The following COL17A1 variants were observed in gnomAD, a reference collection of about 807,000 sequenced individuals.
The protein encoded by COL17A1 is collagen type XVII alpha 1 chain, also known as collagen alpha-1(XVII) chain.
A neutral mutation model predicts 218.4 loss-of-function variants in COL17A1; 181 were observed. The ratio of observed to expected loss-of-function variants is 0.83; its 90% CI spans 0.73 to 0.94. The LOEUF is 0.94. Among genes scored for constraint, COL17A1 ranks in the 40% least tolerant of loss-of-function variants. COL17A1 has a pLI of 0.00. For missense variants in COL17A1, 1,924 were observed against 1,945.9 expected, an observed-to-expected ratio of 0.99 and a Z score of 0.21; for synonymous variants, 721 against 731.0, an observed-to-expected ratio of 0.99 and a Z score of 0.22.
At chr10:104,080,534 G>T in intron 2 of COL17A1, 88 bp downstream of exon 2, 2 of 1,464,276 alleles carry the variant, frequency 1.4e-6, no homozygotes, top group Non-Finnish European at 1.9e-6. Context: ...GGTTGTGGTA[G>T]AATTATTAAT....
intron 28 of COL17A1, 141 bp downstream of exon 28, chr10:104,049,948 T>C: frequency 7.5e-7 from 1 of 1,327,258 alleles, no homozygotes; most frequent in Non-Finnish European, 1.1e-6. Flanking sequence ...TTTTCTCATC[T>C]TGTGTTTTTT....
At chr10:104,037,993 G>A (rs1458944179) in intron 45 of COL17A1, among the ~76,000 whole-genome samples, 1 of 152,210 alleles carries the variant, frequency 6.6e-6, no homozygotes, top group Non-Finnish European at 1.5e-5. Context: ...GGCCCATGAG[G>A]GCTGTGGGCC....
Position 104,040,962 on chromosome 10 carries a change from G to A in COL17A1, c.2701+103C>T, listed in dbSNP as rs551434974. Reference sequence around the variant, plus strand: ...CATATCCCCATGGAAGTCAGGAGCAGGAAGCCTGGTGAGTAGGTTGTGACC... The same window carrying A: ...CATATCCCCATGGAAGTCAGGAGCAAGAAGCCTGGTGAGTAGGTTGTGACC... On this transcript the variant is annotated intron_variant, in intron 39 of 55. Coordinates refer to ENST00000648076, the MANE Select transcript of COL17A1 (RefSeq NM_000494.4). 2.1e-4 allele frequency: 261 copies of A among 1,251,324 alleles called. 2 individuals are homozygous for A. In the South Asian group the frequency reaches 3.0e-3, roughly 14 times the overall value. 77.5% of individuals were successfully genotyped at this position (1,251,324 alleles called of 1,614,324 possible). A position where few individuals can be genotyped will look rare whatever the true frequency, so the allele number is the denominator to read the frequency against.
rs1327102752 is a variant in COL17A1, at chr10:104,085,770, C to A, written c.-59G>T. On this transcript the variant is annotated 5_prime_UTR_variant, in exon 1 of 56. Coordinates refer to ENST00000648076, the MANE Select transcript of COL17A1 (RefSeq NM_000494.4). ...TTGGAAACAACTTTGAATAAATCCCCCTCTCTCTTTCTTCTCCTGATGTTT... is the reference window on the plus strand; with the variant it reads ...TTGGAAACAACTTTGAATAAATCCCACTCTCTCTTTCTTCTCCTGATGTTT... The A allele has an allele frequency of 6.6e-6, 1 of 152,546 alleles. No individual in the cohort carries two copies. The highest frequency in any genetic ancestry group is 1.5e-5 in the Non-Finnish European group (1 of 68,030). The allele number at this position is 152,546 out of a possible 1,614,324, so 9.4% of individuals were successfully genotyped here.
chr10:104,061,187 T>C (rs1214794414), intron 13 of COL17A1, among the ~76,000 whole-genome samples: 1 of 152,162 alleles, frequency 6.6e-6, no homozygotes, highest in African/African-American at 2.4e-5. Context: ...TGCCCCCTTC[T>C]GATAGGAACA....
In COL17A1 at chr10:104,046,760, G is replaced by A. The variant is rs1337492970; in HGVS notation, c.2349C>T (p.Pro783=). The change falls in exon 32 of 56, where the codon CCC becomes CCT. Residue 783 remains proline (P), a synonymous_variant. Transcript: ENST00000648076. The stretch of plus-strand genomic sequence containing the variant: ...CCAGCGACTCACCCTGAGGTCCCTG[G>A]GGTCCTGTGAGACCTGCAGAAAATC... ...GDPGKPGLTG[P]QGPQGLPGTP... 1.2e-6 allele frequency: 2 copies of A among 1,613,924 alleles called. No individual in the cohort carries two copies. The highest frequency in any genetic ancestry group is 1.7e-6 in the Non-Finnish European group (2 of 1,179,918).
intron 4 of COL17A1, 65 bp from the exon 5 acceptor site, chr10:104,076,494 T>C: frequency 6.2e-7 from 1 of 1,609,018 alleles, no homozygotes; most frequent in Non-Finnish European, 8.5e-7. Flanking sequence ...ATGGCTACTG[T>C]GACCCAGCTA....
At chr10:104,070,354 A>G in intron 9 of COL17A1, 72 bp downstream of exon 9, 1 of 1,603,490 alleles carries the variant, frequency 6.2e-7, no homozygotes, top group Non-Finnish European at 8.5e-7. Flanking sequence ...TGGGTCTCTG[A>G]GTCCACTCTT....
In COL17A1 at chr10:104,034,340, G is replaced by A. The variant is rs760163289; in HGVS notation, c.3767-6C>T. The A allele has an allele frequency of 1.9e-6, 3 of 1,548,722 alleles. No individual in the cohort carries two copies. Among genetic ancestry groups the A allele is most frequent in the South Asian group, 2.4e-5 (2 of 84,788 alleles). On this transcript the variant is annotated splice_region_variant and splice_polypyrimidine_tract_variant and intron_variant, in intron 51 of 55. Transcript: ENST00000648076. ...GAAGCTGCGCACATCAGGACCTGCAGGGTGAGAAGCTGCATGAGTGGGAGC... is the reference window on the plus strand; with the variant it reads ...GAAGCTGCGCACATCAGGACCTGCAAGGTGAGAAGCTGCATGAGTGGGAGC...
At chr10:104,034,807 G>A in intron 50 of COL17A1, 40 bp from the exon 51 acceptor site, 1 of 1,602,354 alleles carries the variant, frequency 6.2e-7, no homozygotes, top group Non-Finnish European at 8.5e-7. Flanking sequence ...GGGTAGTGCT[G>A]CGGAGGAAGC....
intron 4 of COL17A1, 112 bp from the exon 5 acceptor site, chr10:104,076,541 G>A: frequency 6.8e-7 from 1 of 1,471,328 alleles, no homozygotes; most frequent in Non-Finnish European, 9.4e-7. Flanking sequence ...TCTTCGGGAG[G>A]GCACAGCTGA....
At chr10:104,044,291 G>A (rs1313085064) in intron 33 of COL17A1, among the ~76,000 whole-genome samples, 1 of 152,244 alleles carries the variant, frequency 6.6e-6, no homozygotes, top group Non-Finnish European at 1.5e-5. Context: ...AGTTGTAGGG[G>A]CTGTGCAGGA....
intron 44 of COL17A1, 27 bp downstream of exon 44, chr10:104,039,044 G>C (rs774994612): frequency 6.2e-7 from 1 of 1,611,492 alleles, no homozygotes; most frequent in Non-Finnish European, 8.5e-7. Context: ...GAAGTGGAGA[G>C]GAACTTTGGT....
rs746582849 is a variant in COL17A1 at position 104,037,621 on chromosome 10, T to G, written c.3208+15A>C. The G allele has an allele frequency of 1.2e-6, 2 of 1,613,952 alleles. No individual in the cohort carries two copies. The highest frequency in any genetic ancestry group is 1.1e-5 in the South Asian group (1 of 91,072). ...GGAGGAAGGTGCCAGGTGCAGGGCGTGGGGAAGGGCTTACTCCGTAAGTAG... is the reference window on the plus strand; with the variant it reads ...GGAGGAAGGTGCCAGGTGCAGGGCGGGGGGAAGGGCTTACTCCGTAAGTAG... On this transcript the variant is annotated intron_variant, in intron 46 of 55. Transcript: ENST00000648076.
Position 104,032,091 on chromosome 10 carries a change from C to T in COL17A1, c.*144G>A, listed in dbSNP as rs1410871282. The T allele has an allele frequency of 2.9e-6, 2 of 701,614 alleles. No individual in the cohort carries two copies. The highest frequency in any genetic ancestry group is 5.2e-6 in the Non-Finnish European group (2 of 386,516). 43.5% of individuals were successfully genotyped at this position (701,614 alleles called of 1,614,324 possible). A position where few individuals can be genotyped will look rare whatever the true frequency, so the allele number is the denominator to read the frequency against. Reference sequence around the variant, plus strand: ...ATTCTATAAGTATATATTGTTCAGACTAAAACAAATGTTGCTAGCTAGGTT... The same window carrying T: ...ATTCTATAAGTATATATTGTTCAGATTAAAACAAATGTTGCTAGCTAGGTT... On this transcript the variant is annotated 3_prime_UTR_variant, in exon 56 of 56. Transcript: ENST00000648076.
chr10:104,039,565 A>G (rs1314480999), intron 42 of COL17A1, 43 bp downstream of exon 42: 1 of 1,613,950 alleles, frequency 6.2e-7, no homozygotes, highest in African/African-American at 1.3e-5. Context: ...GGGTTTGGAG[A>G]GGCTCTGGCC....
At chr10:104,076,572 C>T (rs1004536384) in intron 4 of COL17A1, 143 bp from the exon 5 acceptor site, 2 of 1,080,612 alleles carry the variant, frequency 1.9e-6, no homozygotes. Flanking sequence ...CTCAGCATTC[C>T]CCCAGCTGTT....
rs978524623 is a variant in COL17A1, at chr10:104,031,326, T to A, written c.*909A>T. On this transcript the variant is annotated 3_prime_UTR_variant, in exon 56 of 56. Coordinates refer to ENST00000648076, the MANE Select transcript of COL17A1 (RefSeq NM_000494.4). ...CTTCTTTAATGGGAAATTTTACGATTGAAATGATGTTTCATCTTATAGACC... is the reference window on the plus strand; with the variant it reads ...CTTCTTTAATGGGAAATTTTACGATAGAAATGATGTTTCATCTTATAGACC... 1 of 152,650 alleles carries A rather than the reference T, an allele frequency of 6.6e-6. No homozygotes were observed. The highest frequency in any genetic ancestry group is 1.5e-5 in the Non-Finnish European group (1 of 68,040). 9.5% of individuals were successfully genotyped at this position (152,650 alleles called of 1,614,324 possible).
At chr10:104,043,800 G>A (rs773511483) in intron 34 of COL17A1, 25 bp downstream of exon 34, 9 of 1,613,600 alleles carry the variant, frequency 5.6e-6, no homozygotes, top group South Asian at 1.1e-5. Flanking sequence ...ACACAGAAAG[G>A]AGGGTCCCTC....
Sources: allele counts gnomAD v4.1 joint callset (sites outside exome capture counted in the v4.1 genomes callset), GRCh38; gene constraint gnomAD v4.1.1; transcripts MANE v1.5; gene names NCBI Gene and HGNC (gene_info 2026-07-23, HGNC 2026-07-21).